The following STEAP1B variants were observed in gnomAD, a reference collection of about 807,000 sequenced individuals.
STEAP1B encodes the protein STEAP family protein MGC87042.
STEAP1B carries 13 observed loss-of-function variants against 27.9 expected under a neutral mutation model. The observed-to-expected ratio is 0.47, with a 90% CI of 0.30 to 0.74. The LOEUF (loss-of-function observed/expected upper bound fraction) is 0.74. STEAP1B is among the 30% of genes least tolerant of loss of function. The pLI is 0.06. For missense variants in STEAP1B, 250 were observed against 298.7 expected (o/e 0.84, Z 1.20); for synonymous variants, 86 against 107.1 (o/e 0.80, Z 1.22).
At chr7:22,456,426 T>G (rs1785579291) in intron 4 of STEAP1B, among the ~76,000 whole-genome samples, 1 of 152,204 alleles carries the variant, frequency 6.6e-6, no homozygotes, top group Non-Finnish European at 1.5e-5. Flanking sequence ...TTTTCACCAT[T>G]ATGCTCCTTG....
At chr7:22,430,299 A>C (rs1785161562) in intron 4 of STEAP1B, among the ~76,000 whole-genome samples, 1 of 152,210 alleles carries the variant, frequency 6.6e-6, no homozygotes, top group Admixed American at 6.5e-5. Flanking sequence ...GATGAAATTA[A>C]TTAGGGCACA....
intron 1 of STEAP1B, chr7:22,495,565 T>C (rs541188125): frequency 1.3e-5 from 2 of 152,340 alleles, no homozygotes; most frequent in African/African-American, 4.8e-5. Context: ...CCAGGATTGG[T>C]GTAACATTTT....
At chr7:22,499,151 A>G (rs1393797443) in intron 1 of STEAP1B, among the ~76,000 whole-genome samples, 1 of 152,240 alleles carries the variant, frequency 6.6e-6, no homozygotes, top group Non-Finnish European at 1.5e-5. Flanking sequence ...CCGCTTTTAA[A>G]AAAGTGGAGC....
At chr7:22,445,277 G>A (rs758488939) in intron 4 of STEAP1B, among the ~76,000 whole-genome samples, 1 of 152,374 alleles carries the variant, frequency 6.6e-6, no homozygotes, top group East Asian at 1.9e-4. Context: ...GAAGAACAGC[G>A]AGAAATCTCT....
chr7:22,481,137 G>T (rs1054613897), intron 4 of STEAP1B, among the ~76,000 whole-genome samples: 1 of 152,208 alleles, frequency 6.6e-6, no homozygotes, highest in African/African-American at 2.4e-5. Context: ...GCTGGTGCAA[G>T]TAGTGGCTGA....
chr7:22,470,339 G>A (rs186899919), intron 4 of STEAP1B, among the ~76,000 whole-genome samples: 3 of 152,114 alleles, frequency 2.0e-5, no homozygotes, highest in Non-Finnish European at 2.9e-5. Context: ...TGATTAGATT[G>A]TAACAAAAAG....
intron 4 of STEAP1B, among the ~76,000 whole-genome samples, chr7:22,473,115 C>T (rs1285054273): frequency 6.6e-6 from 1 of 152,104 alleles, no homozygotes; most frequent in Non-Finnish European, 1.5e-5. Context: ...AAAAATATAA[C>T]GTGATGCATT....
At chr7:22,451,436 C>T (rs758302112) in intron 4 of STEAP1B, among the ~76,000 whole-genome samples, 2 of 152,114 alleles carry the variant, frequency 1.3e-5, no homozygotes, top group South Asian at 2.1e-4. Context: ...TCCAGTATGA[C>T]GTTGAATAAC....
At chr7:22,465,280 T>C (rs1785757013) in intron 4 of STEAP1B, among the ~76,000 whole-genome samples, 1 of 152,070 alleles carries the variant, frequency 6.6e-6, no homozygotes, top group South Asian at 2.1e-4. Context: ...TCTGAAATTT[T>C]CCATGTAATA....
chr7:22,487,012 T>A lies in STEAP1B; in HGVS notation c.762+5553A>T, dbSNP rs144800807. Among the ~76,000 whole-genome samples, 821 of 152,328 alleles carry A rather than the reference T, an allele frequency of 5.4e-3. 9 individuals carry two copies. The highest frequency in any genetic ancestry group is 0.019 in the African/African-American group (777 of 41,582). On this transcript the variant is annotated intron_variant, in intron 4 of 4. Coordinates refer to ENST00000678116, the MANE Select transcript of STEAP1B (RefSeq NM_001382447.1). ...AAATGTTAAGAGACATCCTAACAAG[T>A]ATTGCTTTGTCTTTTCACATAGATA...
intron 4 of STEAP1B, among the ~76,000 whole-genome samples, chr7:22,481,621 C>G (rs901475902): frequency 5.9e-5 from 9 of 152,202 alleles, no homozygotes; most frequent in Non-Finnish European, 1.2e-4. Flanking sequence ...AAAGCACCAT[C>G]TGATGGCAGA....
chr7:22,471,122 G>A (rs554934034), intron 4 of STEAP1B, among the ~76,000 whole-genome samples: 9 of 152,248 alleles, frequency 5.9e-5, no homozygotes, highest in East Asian at 3.9e-4. Flanking sequence ...GAGTGCAGCC[G>A]ATGCTTTTCC....
chr7:22,434,536 T>A (rs1785230935), intron 4 of STEAP1B, among the ~76,000 whole-genome samples: 1 of 152,228 alleles, frequency 6.6e-6, no homozygotes, highest in Non-Finnish European at 1.5e-5. Flanking sequence ...AAAAAAAAAT[T>A]GGTACATCTC....
In STEAP1B at chr7:22,456,940, T is replaced by C. The variant is rs563373599; in HGVS notation, c.762+35625A>G. Among the ~76,000 whole-genome samples the C allele has an allele frequency of 5.3e-3, 620 of 116,458 alleles. 14 individuals are homozygous for C. The highest frequency in any genetic ancestry group is 8.9e-3 in the Non-Finnish European group (518 of 58,230). The allele number at this position is 116,458 out of a possible 152,430, so 76.4% of individuals were successfully genotyped here. A position where few individuals can be genotyped will look rare whatever the true frequency, so the allele number is the denominator to read the frequency against. On this transcript the variant is annotated intron_variant, in intron 4 of 4. Transcript: ENST00000678116. ...CAGACCACCTGATTCAGAATGGGGG[T>C]GGGATAGGCAGCTATATATATATAT... is the stretch of plus-strand genomic sequence containing the variant.
intron 4 of STEAP1B, among the ~76,000 whole-genome samples, chr7:22,435,253 G>A (rs904904592): frequency 2.0e-5 from 3 of 151,972 alleles, no homozygotes; most frequent in African/African-American, 7.2e-5. Flanking sequence ...TTGAATGTCT[G>A]GAAGAAAACG....
chr7:22,456,597 T>C (rs1482831870), intron 4 of STEAP1B, among the ~76,000 whole-genome samples: 2 of 152,160 alleles, frequency 1.3e-5, no homozygotes, highest in African/African-American at 2.4e-5. Context: ...AATTTTTACT[T>C]ATGCCCATTT....
At chr7:22,463,166 C>T (rs1785710217) in intron 4 of STEAP1B, among the ~76,000 whole-genome samples, 1 of 151,812 alleles carries the variant, frequency 6.6e-6, no homozygotes, top group Admixed American at 6.6e-5. Context: ...CAACAACAGA[C>T]AAACAGAGAG....
At chr7:22,492,750 A>C (rs779605347) in intron 3 of STEAP1B, 21 bp from the exon 4 acceptor site, 1 of 1,574,728 alleles carries the variant, frequency 6.4e-7, no homozygotes, top group Non-Finnish European at 8.6e-7. Flanking sequence ...GTAAATAAAG[A>C]AAGAAGAAAT....
At chr7:22,446,150 G>A (rs187700765) in intron 4 of STEAP1B, among the ~76,000 whole-genome samples, 325 of 152,322 alleles carry the variant, frequency 2.1e-3, no homozygotes, top group South Asian at 5.4e-3. Flanking sequence ...AGATGAAGGA[G>A]TTCAAAGACC....
Sources: gnomAD v4.1 joint callset for allele counts (sites outside exome capture counted in the v4.1 genomes callset) on GRCh38, gnomAD v4.1.1 for gene constraint, MANE v1.5 for transcripts, NCBI Gene and HGNC (gene_info 2026-07-23, HGNC 2026-07-21) for gene names.